Variants in HSPG2 observed in about 807,000 individuals in gnomAD.
The protein encoded by HSPG2 is heparan sulfate proteoglycan 2, also known as basement membrane-specific heparan sulfate proteoglycan core protein.
HSPG2 carries 278 observed loss-of-function variants against 526.6 expected under a neutral mutation model. That is an observed-to-expected ratio of 0.53 (90% CI 0.48 to 0.58). The LOEUF (loss-of-function observed/expected upper bound fraction) is 0.58, where lower values mean the gene tolerates loss of function less well. Among genes scored for constraint, HSPG2 ranks in the 20% least tolerant of loss-of-function variants. The pLI is 0.00. For synonymous variants in HSPG2, 2,465 were observed against 2,555.4 expected (o/e 0.96, Z 1.07); for missense variants, 5,354 against 6,099.5 (o/e 0.88, Z 4.07).
At chr1:21,899,406 T>C (rs1642967180) in intron 1 of HSPG2, among the ~76,000 whole-genome samples, 1 of 151,844 alleles carries the variant, frequency 6.6e-6, no homozygotes, top group South Asian at 2.1e-4. Context: ...CAGCTAACAT[T>C]TATTGAGCAC....
chr1:21,854,118 ACTG>A, intron 50 of HSPG2, 72 bp downstream of exon 50: 1 of 1,467,668 alleles, frequency 6.8e-7, no homozygotes, highest in South Asian at 1.3e-5. Flanking sequence ...TCCTGGTCCC[ACTG>A]AAGAAGCCAC....
chr1:21,885,826 T>C (rs1030337401), intron 9 of HSPG2, among the ~76,000 whole-genome samples: 3 of 152,214 alleles, frequency 2.0e-5, no homozygotes, highest in African/African-American at 4.8e-5. Context: ...GCGCCAGCAA[T>C]GCCCCGCCCA....
Position 21,865,114 on chromosome 1 carries a change from T to A in HSPG2, c.4396-41A>T. ...CAACGTGGGCGGGGGCAGTGGGCTT[T>A]GTGGGCTGCTCCTACAGTTACCACC... On this transcript the variant is annotated intron_variant, in intron 35 of 96. Transcript: ENST00000374695. This position sits in a 1 kb window ranked among gnomAD's most constrained non-coding sequence, Gnocchi z 5.4. 1 of 1,545,348 alleles carries A rather than the reference T, an allele frequency of 6.5e-7. No individual in the cohort carries two copies. Among genetic ancestry groups the A allele is most frequent in the Non-Finnish European group, 8.8e-7 (1 of 1,136,546 alleles).
Position 21,861,853 on chromosome 1 carries a change from G to C in HSPG2, c.4869-10C>G, listed in dbSNP as rs1557738108. On this transcript the variant is annotated splice_polypyrimidine_tract_variant and intron_variant, in intron 38 of 96. Coordinates refer to ENST00000374695, the MANE Select transcript of HSPG2 (RefSeq NM_005529.7). ...ACAGGTGCGGGAAAACCTGGGATCGGGGAGGCAAAGGTCAGGTCATGGGAA... is the reference window on the plus strand; with the variant it reads ...ACAGGTGCGGGAAAACCTGGGATCGCGGAGGCAAAGGTCAGGTCATGGGAA... 2 of 1,613,572 alleles carry C rather than the reference G, an allele frequency of 1.2e-6. No individual in the cohort carries two copies. The highest frequency in any genetic ancestry group is 1.7e-6 in the Non-Finnish European group (2 of 1,179,962).
rs560834288 is a variant in HSPG2 at position 21,830,969 on chromosome 1, T to G, written c.11671+13A>C. 3 of 1,552,528 alleles carry G rather than the reference T, an allele frequency of 1.9e-6. No individual in the cohort carries two copies. On this transcript the variant is annotated intron_variant, in intron 85 of 96. Transcript: ENST00000374695. ...GCCCTGGGGCGACAGCGACTGGCGG[T>G]CGGGGTGCGTACCTGGATGGCAGTG... is the stretch of plus-strand genomic sequence containing the variant.
At position 21,829,527 on chromosome 1, in the gene HSPG2, C is replaced by T. The variant is rs202186341; in HGVS notation, c.11848G>A (p.Glu3950Lys). 5.5e-5 allele frequency: 88 copies of T among 1,612,966 alleles called. No homozygotes were observed. Among genetic ancestry groups the T allele is most frequent in the South Asian group, 1.3e-4 (12 of 91,080 alleles). ...ALPALTNTHH[E>K]LRLDVEFKPL... ...TTGAACTCCACGTCCAGGCGTAGCT[C>T]GTGGTGTGTGTTGGTGAGGGCGGGC... is the stretch of plus-strand genomic sequence containing the variant. The change falls in exon 87 of 97, where the codon GAG becomes AAG. Residue 3950 changes from glutamate to lysine, a missense_variant. Physicochemically the swap from Glu to Lys is moderately conservative, Grantham distance 56 (BLOSUM62 1). Transcript: ENST00000374695.
chr1:21,822,282 A>C lies in HSPG2; in HGVS notation c.*1034T>G, dbSNP rs979347046. On this transcript the variant is annotated 3_prime_UTR_variant, in exon 97 of 97. Coordinates refer to ENST00000374695, the MANE Select transcript of HSPG2 (RefSeq NM_005529.7). ...ACCGTTTATTAAGAAAAATCAAGAC[A>C]AAGACCACAGGAGGGTCCCTTCTAG... The C allele has an allele frequency of 1.3e-6, 2 of 1,532,744 alleles. No individual in the cohort carries two copies. The highest frequency in any genetic ancestry group is 2.7e-5 in the African/African-American group (2 of 73,324). The allele number at this position is 1,532,744 out of a possible 1,614,324, so 94.9% of individuals were successfully genotyped here.
At position 21,840,012 on chromosome 1, in the gene HSPG2, T is replaced by C; in HGVS notation, c.9519A>G (p.Ser3173=). ...LMDSHAVLQI[S]SAKPSDAGTY... is the part of the protein sequence containing the mutation. ...TGCCCGCATCTGATGGTTTAGCTGA[T>C]GAAATCTGGGAGAAAGCAAGGAGGC... The change falls in exon 72 of 97, where the codon TCA becomes TCG. Residue 3173 remains serine, a synonymous_variant. Coordinates refer to ENST00000374695, the MANE Select transcript of HSPG2 (RefSeq NM_005529.7). 1.2e-6 allele frequency: 2 copies of C among 1,614,216 alleles called. No individual in the cohort carries two copies. Among genetic ancestry groups the C allele is most frequent in the South Asian group, 1.1e-5 (1 of 91,080 alleles).
chr1:21,870,293 C>T (rs1640545902), intron 33 of HSPG2: 3 of 985,984 alleles, frequency 3.0e-6, no homozygotes, highest in Non-Finnish European at 3.6e-6. Context: ...CGCAACTGCT[C>T]CTCTGAGAGG....
intron 76 of HSPG2, 77 bp downstream of exon 76, chr1:21,835,463 G>C: frequency 1.1e-6 from 1 of 925,146 alleles, no homozygotes. Context: ...TAGGGAACAG[G>C]GTCTGGGCCT....
chr1:21,912,825 T>TA (rs1353466140), intron 1 of HSPG2, among the ~76,000 whole-genome samples: 1 of 151,892 alleles, frequency 6.6e-6, no homozygotes, highest in Non-Finnish European at 1.5e-5. Flanking sequence ...ACTAAAAATA[T>TA]AAAAATTAGC....
chr1:21,866,876 A>G (rs1296870436), intron 33 of HSPG2, among the ~76,000 whole-genome samples: 9 of 152,146 alleles, frequency 5.9e-5, no homozygotes, highest in Admixed American at 5.9e-4. Context: ...CCTGGGCTAC[A>G]TGGCTACAGG....
Position 21,887,362 on chromosome 1 carries a change from A to T in HSPG2, c.959-28T>A, listed in dbSNP as rs1171645362. The T allele has an allele frequency of 6.2e-7, 1 of 1,613,814 alleles. No homozygotes were observed. Among genetic ancestry groups the T allele is most frequent in the Non-Finnish European group, 8.5e-7 (1 of 1,179,906 alleles). ...AGGAGACCGGGCAGGGGTCAGCAGCATCCTCCCGGGCCAGCTTCCTGCTCC... is the reference window on the plus strand; with the variant it reads ...AGGAGACCGGGCAGGGGTCAGCAGCTTCCTCCCGGGCCAGCTTCCTGCTCC... On this transcript the variant is annotated intron_variant, in intron 8 of 96. Coordinates refer to ENST00000374695, the MANE Select transcript of HSPG2 (RefSeq NM_005529.7). The surrounding 1 kb of genome is among the most constrained non-coding windows in gnomAD (Gnocchi z 5.0).
chr1:21,889,607 ATT>A (rs1274113035), intron 6 of HSPG2, among the ~76,000 whole-genome samples: 1 of 150,610 alleles, frequency 6.6e-6, no homozygotes, highest in African/African-American at 2.5e-5. Context: ...CTTCATAGGA[ATT>A]GCTGTGAAGA....
At chr1:21,902,416 A>G (rs886662179) in intron 1 of HSPG2, among the ~76,000 whole-genome samples, 7 of 152,238 alleles carry the variant, frequency 4.6e-5, no homozygotes, top group African/African-American at 1.7e-4. Flanking sequence ...GGCTGAGCTA[A>G]GGTCTTCACA....
At chr1:21,921,667 T>A (rs770383947) in intron 1 of HSPG2, among the ~76,000 whole-genome samples, 3 of 152,106 alleles carry the variant, frequency 2.0e-5, no homozygotes, top group Non-Finnish European at 2.9e-5. Context: ...GCAGAGCCAG[T>A]GTGGAAAGCA....
rs1640133002 is a variant in HSPG2, at chr1:21,865,237, G to T, written c.4395+48C>A. On this transcript the variant is annotated intron_variant, in intron 35 of 96. Transcript: ENST00000374695. This position sits in a 1 kb window ranked among gnomAD's most constrained non-coding sequence, Gnocchi z 5.4. ...TATCAAAGCCAGGCTCTGAGTCAGGGTGGAGGGTGGGGTGGGGTTAGACAC... is the reference window on the plus strand; with the variant it reads ...TATCAAAGCCAGGCTCTGAGTCAGGTTGGAGGGTGGGGTGGGGTTAGACAC... 2 of 1,584,524 alleles carry T rather than the reference G, an allele frequency of 1.3e-6. No individual in the cohort carries two copies. Among genetic ancestry groups the T allele is most frequent in the East Asian group, 2.2e-5 (1 of 44,686 alleles).
intron 1 of HSPG2, among the ~76,000 whole-genome samples, chr1:21,929,660 T>C (rs957402687): frequency 1.3e-5 from 2 of 151,634 alleles, no homozygotes; most frequent in African/African-American, 4.9e-5. Context: ...AATTAACTGT[T>C]CTGAGAATTC....
chr1:21,852,060 C>T, intron 53 of HSPG2, 28 bp downstream of exon 53: 6 of 1,612,432 alleles, frequency 3.7e-6, no homozygotes, highest in Non-Finnish European at 5.1e-6. Flanking sequence ...TGTCCATGGC[C>T]CCGTCCCACA....
Sources: gnomAD v4.1 joint callset for allele counts (sites outside exome capture counted in the v4.1 genomes callset) on GRCh38, gnomAD v4.1.1 for gene constraint, Gnocchi (gnomAD v3.1) non-coding constraint, MANE v1.5 for transcripts, NCBI Gene and HGNC (gene_info 2026-07-23, HGNC 2026-07-21) for gene names.